TASP1: variants seen among roughly 807,000 people sequenced by gnomAD.
TASP1 encodes threonine aspartase 1.
TASP1 carries 16 observed loss-of-function variants against 56.6 expected under a neutral mutation model. The observed-to-expected ratio is 0.28, with a 90% CI of 0.19 to 0.43. TASP1 has a LOEUF of 0.43. Among genes scored for constraint, TASP1 ranks in the 20% least tolerant of loss-of-function variants. The pLI, the probability that TASP1 is intolerant of heterozygous loss-of-function variation, is 1.00. For missense variants in TASP1, 393 were observed against 511.6 expected (o/e 0.77, Z 2.24); for synonymous variants, 179 against 184.2 (o/e 0.97, Z 0.23).
At chr20:13,311,053 G>A in the TASP1 span, among the ~76,000 whole-genome samples, 1 of 152,108 alleles carries the variant, frequency 6.6e-6, no homozygotes, top group Non-Finnish European at 1.5e-5. Context: ...AATTAGCTGG[G>A]CATGGTGGCG....
At chr20:13,517,079 C>G (rs2044567329) in intron 10 of TASP1, among the ~76,000 whole-genome samples, 1 of 152,118 alleles carries the variant, frequency 6.6e-6, no homozygotes, top group South Asian at 2.1e-4. Flanking sequence ...TTGGGAAGCG[C>G]CACAGTGCAT....
At chr20:13,589,053 G>A (rs1479354671) in intron 4 of TASP1, among the ~76,000 whole-genome samples, 2 of 149,800 alleles carry the variant, frequency 1.3e-5, no homozygotes, top group African/African-American at 2.5e-5. Flanking sequence ...ATAGTCTTTC[G>A]TGGGTTTTTT....
the TASP1 span, among the ~76,000 whole-genome samples, chr20:13,296,931 T>C: frequency 2.6e-5 from 4 of 151,992 alleles, no homozygotes; most frequent in South Asian, 2.1e-4. Context: ...GGCAGGAGAA[T>C]TGCTTGAACC....
the TASP1 span, among the ~76,000 whole-genome samples, chr20:13,229,634 C>T: frequency 6.6e-6 from 1 of 152,174 alleles, no homozygotes; most frequent in Non-Finnish European, 1.5e-5. Flanking sequence ...TATTCTTACA[C>T]AAGCCTTTCT....
chr20:13,185,044 T>G, the TASP1 span, among the ~76,000 whole-genome samples: 2 of 152,092 alleles, frequency 1.3e-5, no homozygotes, highest in African/African-American at 4.8e-5. Flanking sequence ...ATATAATGAC[T>G]TTATTTAAAA....
the TASP1 span, among the ~76,000 whole-genome samples, chr20:13,305,719 T>C: frequency 1.3e-5 from 2 of 152,100 alleles, no homozygotes. Context: ...CATATGAGAG[T>C]AGAAGGAGAG....
chr20:13,286,705 A>T, the TASP1 span, among the ~76,000 whole-genome samples: 2 of 152,182 alleles, frequency 1.3e-5, no homozygotes, highest in Admixed American at 6.5e-5. Flanking sequence ...AGGAGGCTCC[A>T]CAGCCCTGTG....
intron 8 of TASP1, among the ~76,000 whole-genome samples, chr20:13,535,046 C>T (rs999364295): frequency 6.6e-6 from 1 of 152,060 alleles, no homozygotes; most frequent in Non-Finnish European, 1.5e-5. Context: ...GCCCTACAAC[C>T]CTAGACCCCA....
At chr20:13,447,156 GT>G (rs950039891) in intron 11 of TASP1, among the ~76,000 whole-genome samples, 2 of 152,116 alleles carry the variant, frequency 1.3e-5, no homozygotes, top group African/African-American at 4.8e-5. Context: ...GTGTTTGAGA[GT>G]ACCTATTTTC....
intron 8 of TASP1, among the ~76,000 whole-genome samples, chr20:13,556,326 G>A (rs1568577703): frequency 6.6e-6 from 1 of 152,100 alleles, no homozygotes; most frequent in African/African-American, 2.4e-5. Flanking sequence ...AGTCCAAGGT[G>A]CCATAATCTC....
At chr20:13,242,710 T>C in the TASP1 span, among the ~76,000 whole-genome samples, 7 of 152,158 alleles carry the variant, frequency 4.6e-5, no homozygotes, top group Non-Finnish European at 7.4e-5. Flanking sequence ...TCTATGCTTA[T>C]TAAGGTTGGT....
At chr20:13,291,806 T>C in the TASP1 span, among the ~76,000 whole-genome samples, 1 of 152,156 alleles carries the variant, frequency 6.6e-6, no homozygotes. Context: ...GCTAGACAAA[T>C]ATTCAAGGGA....
chr20:13,374,042 T>C, the TASP1 span, among the ~76,000 whole-genome samples: 1 of 152,186 alleles, frequency 6.6e-6, no homozygotes, highest in Non-Finnish European at 1.5e-5. Flanking sequence ...TTTAATAAAG[T>C]TGTTTAGTTC....
chr20:13,501,876 A>G (rs984136886), intron 10 of TASP1, among the ~76,000 whole-genome samples: 2 of 151,986 alleles, frequency 1.3e-5, no homozygotes, highest in African/African-American at 4.8e-5. Context: ...TGCTCTGACT[A>G]TATTAATATT....
chr20:13,627,810 CA>C (rs2048950076), intron 2 of TASP1, among the ~76,000 whole-genome samples: 1 of 151,706 alleles, frequency 6.6e-6, no homozygotes, highest in Admixed American at 6.6e-5. Flanking sequence ...CTGAGTCACA[CA>C]ACATGCAGCT....
intron 13 of TASP1, among the ~76,000 whole-genome samples, chr20:13,395,794 C>G (rs1300233078): frequency 6.6e-6 from 1 of 151,864 alleles, no homozygotes; most frequent in African/African-American, 2.4e-5. Flanking sequence ...CTCCACCCAC[C>G]AGGTTCAAGA....
intron 10 of TASP1, among the ~76,000 whole-genome samples, chr20:13,505,111 CG>C (rs2044082000): frequency 6.6e-6 from 1 of 151,776 alleles, no homozygotes; most frequent in Non-Finnish European, 1.5e-5. Flanking sequence ...CAAAAGACAG[CG>C]GGGGAGCTAT....
At chr20:13,616,609 T>C (rs2048532796) in intron 4 of TASP1, among the ~76,000 whole-genome samples, 1 of 151,836 alleles carries the variant, frequency 6.6e-6, no homozygotes, top group Non-Finnish European at 1.5e-5. Flanking sequence ...TAATCTAGAA[T>C]GTAATCATTG....
At chr20:13,506,643 T>C (rs1368021534) in intron 10 of TASP1, among the ~76,000 whole-genome samples, 4 of 151,998 alleles carry the variant, frequency 2.6e-5, no homozygotes, top group Admixed American at 1.3e-4. Context: ...ACAAAAACCA[T>C]ATGATCATCT....
Sources: gnomAD v4.1 joint callset for allele counts (sites outside exome capture counted in the v4.1 genomes callset) on GRCh38, gnomAD v4.1.1 for gene constraint, MANE v1.5 for transcripts, NCBI Gene and HGNC (gene_info 2026-07-23, HGNC 2026-07-21) for gene names.